The following FOXC1 variants were observed in gnomAD, a reference collection of about 807,000 sequenced individuals.
The protein encoded by FOXC1 is forkhead box protein C1.
A neutral mutation model predicts 8.1 loss-of-function variants in FOXC1; 5 were observed. The ratio of observed to expected loss-of-function variants is 0.62; its 90% CI spans 0.32 to 1.30. The LOEUF is 1.30. Among genes scored for constraint, FOXC1 ranks in the 50% most tolerant of loss-of-function variants. FOXC1 has a pLI of 0.05. For synonymous variants in FOXC1, 552 were observed against 417.2 expected (o/e 1.32, Z -3.94); for missense variants, 942 against 858.0 (o/e 1.10, Z -1.22).
At position 1,610,176 on chromosome 6, in the gene FOXC1, G is replaced by A. The variant is rs1470263558; in HGVS notation, c.-270G>A. 3.3e-5 allele frequency: 5 copies of A among 151,976 alleles called. No individual in the cohort carries two copies. The highest frequency in any genetic ancestry group is 9.6e-5 in the African/African-American group (4 of 41,502). The allele number at this position is 151,976 out of a possible 1,614,324, so 9.4% of individuals were successfully genotyped here. ...CCTGGAAGCTGCGCCGCGAGTTCCT[G>A]CAAGGCGGTCTGCCGCGGCCGGGCC... is the stretch of plus-strand genomic sequence containing the variant. On this transcript the variant is annotated 5_prime_UTR_variant, in exon 1 of 1. Transcript: ENST00000645831.
Position 1,613,668 on chromosome 6 carries a change from C to G in FOXC1, c.*1561C>G, listed in dbSNP as rs903441744. ...CCAGGAAATGTAATAAATTCATTATCTTAGGGTGATCTGCCCTGCCAATCA... is the reference window on the plus strand; with the variant it reads ...CCAGGAAATGTAATAAATTCATTATGTTAGGGTGATCTGCCCTGCCAATCA... On this transcript the variant is annotated 3_prime_UTR_variant, in exon 1 of 1. Transcript: ENST00000645831. 1.1e-5 allele frequency: 2 copies of G among 180,310 alleles called. No homozygotes were observed. Among genetic ancestry groups the G allele is most frequent in the African/African-American group, 5.3e-5 (2 of 37,468 alleles). 11.2% of individuals were successfully genotyped at this position (180,310 alleles called of 1,614,324 possible). A position where few individuals can be genotyped will look rare whatever the true frequency, so the allele number is the denominator to read the frequency against.
rs1391501908 is a variant in FOXC1 at position 1,612,905 on chromosome 6, T to A, written c.*798T>A. ...CAGAGATAAAACACTAGAAGTTACC[T>A]ATTCTCCACCTAAATCTCTGAAAAA... On this transcript the variant is annotated 3_prime_UTR_variant, in exon 1 of 1. Coordinates refer to ENST00000645831, the MANE Select transcript of FOXC1 (RefSeq NM_001453.3). 1.4e-5 allele frequency: 3 copies of A among 219,018 alleles called. No individual in the cohort carries two copies. The allele number at this position is 219,018 out of a possible 1,614,324, so 13.6% of individuals were successfully genotyped here.
chr6:1,610,451 G>T lies in FOXC1; in HGVS notation c.6G>T (p.Gln2His). 7.3e-7 allele frequency: 1 copy of T among 1,364,186 alleles called. No individual in the cohort carries two copies. 84.5% of individuals were successfully genotyped at this position (1,364,186 alleles called of 1,614,324 possible). A position where few individuals can be genotyped will look rare whatever the true frequency, so the allele number is the denominator to read the frequency against. Residue 2 changes from glutamine to histidine, a missense_variant, in exon 1 of 1, where the codon CAG becomes CAT. Around this residue, in one of 4 missense-constraint regions of FOXC1, gnomAD observed 190 missense variants for 176.8 expected, o/e 1.07. Coordinates refer to ENST00000645831, the MANE Select transcript of FOXC1 (RefSeq NM_001453.3). ...GGCGGCGGCGAGCGGGGGCCATGCAGGCGCGCTACTCCGTGTCCAGCCCCA... is the reference window on the plus strand; with the variant it reads ...GGCGGCGGCGAGCGGGGGCCATGCATGCGCGCTACTCCGTGTCCAGCCCCA... Reference protein sequence around the residue: MQARYSVSSPNS... With the variant: MHARYSVSSPNS...
Position 1,611,090 on chromosome 6 carries a change from T to C in FOXC1, c.645T>C (p.Gly215=). 7.4e-7 allele frequency: 1 copy of C among 1,357,154 alleles called. No homozygotes were observed. Among genetic ancestry groups the C allele is most frequent in the Non-Finnish European group, 9.5e-7 (1 of 1,048,702 alleles). The allele number at this position is 1,357,154 out of a possible 1,614,324, so 84.1% of individuals were successfully genotyped here. Residue 215 remains glycine (G), a synonymous_variant, in exon 1 of 1, where the codon GGT becomes GGC. Transcript: ENST00000645831. This position sits in a 1 kb window ranked among gnomAD's most constrained non-coding sequence, Gnocchi z 7.1. ...AGCAGGCCGACGGCAACGCGCCCGG[T>C]CCGCAGCCGCCGCCCGTGCGCATCC... ...PPEQADGNAP[G]PQPPPVRIQD... is the part of the protein sequence containing the mutation.
chr6:1,613,545 T>G lies in FOXC1; in HGVS notation c.*1438T>G, dbSNP rs1762592124. 4.4e-6 allele frequency: 1 copy of G among 228,256 alleles called. No homozygotes were observed. The highest frequency in any genetic ancestry group is 9.4e-6 in the Non-Finnish European group (1 of 105,882). The allele number at this position is 228,256 out of a possible 1,614,324, so 14.1% of individuals were successfully genotyped here. ...GGAAGGCGAGAGGAGCAGAACATTT[T>G]GGTCTAGGGTGGTTTCTTTTTAAAC... On this transcript the variant is annotated 3_prime_UTR_variant, in exon 1 of 1. Transcript: ENST00000645831.
In FOXC1 at chr6:1,613,825, G is replaced by A; in HGVS notation, c.*1718G>A. The stretch of plus-strand genomic sequence containing the variant: ...AGGCAACACTTAAGCAGTAATTGCT[G>A]TTGCTTGTTGTCAAAATTTGATCAT... On this transcript the variant is annotated 3_prime_UTR_variant, in exon 1 of 1. Transcript: ENST00000645831. 1 of 214,276 alleles carries A rather than the reference G, an allele frequency of 4.7e-6. No individual in the cohort carries two copies. The highest frequency in any genetic ancestry group is 1.0e-5 in the Non-Finnish European group (1 of 96,678). The allele number at this position is 214,276 out of a possible 1,614,324, so 13.3% of individuals were successfully genotyped here. A position where few individuals can be genotyped will look rare whatever the true frequency, so the allele number is the denominator to read the frequency against.
Position 1,612,803 on chromosome 6 carries a change from AAATT to A in FOXC1, c.*698_*701del, listed in dbSNP as rs1331426200. On this transcript the variant is annotated 3_prime_UTR_variant, in exon 1 of 1. Transcript: ENST00000645831. Reference sequence around the variant, plus strand: ...ACATATTCATTGTTTGTTTATTAATAAATTACCATTCAGTTTGAATGAGACCTAT... The same window carrying A: ...ACATATTCATTGTTTGTTTATTAATAACCATTCAGTTTGAATGAGACCTAT... The A allele has an allele frequency of 4.8e-6, 1 of 208,050 alleles. No homozygotes were observed. Among genetic ancestry groups the A allele is most frequent in the African/African-American group, 2.3e-5 (1 of 43,064 alleles). 12.9% of individuals were successfully genotyped at this position (208,050 alleles called of 1,614,324 possible).
Position 1,612,074 on chromosome 6 carries a change from C to T in FOXC1, c.1629C>T (p.Ser543=), listed in dbSNP as rs747055801. The change falls in exon 1 of 1, where the codon TCC becomes TCT. Residue 543 remains serine (S), a synonymous_variant. Coordinates refer to ENST00000645831, the MANE Select transcript of FOXC1 (RefSeq NM_001453.3). ...FPSSQSLYRT[S]GAFVYDCSKF ...CCAGCCAGTCTCTGTACCGCACGTCCGGAGCTTTCGTCTACGACTGTAGCA... is the reference window on the plus strand; with the variant it reads ...CCAGCCAGTCTCTGTACCGCACGTCTGGAGCTTTCGTCTACGACTGTAGCA... 8.7e-6 allele frequency: 14 copies of T among 1,613,942 alleles called. No homozygotes were observed. Among genetic ancestry groups the T allele is most frequent in the East Asian group, 4.5e-5 (2 of 44,906 alleles).
At position 1,610,745 on chromosome 6, in the gene FOXC1, C is replaced by A; in HGVS notation, c.300C>A (p.Thr100=). The A allele has an allele frequency of 6.2e-7, 1 of 1,614,030 alleles. No homozygotes were observed. ...AIQNAPDKKI[T]LNGIYQFIMD... ...AGAACGCCCCGGACAAGAAGATCAC[C>A]CTGAACGGCATCTACCAGTTCATCA... is the stretch of plus-strand genomic sequence containing the variant. Residue 100 remains threonine (T), a synonymous_variant, in exon 1 of 1, where the codon ACC becomes ACA. Coordinates refer to ENST00000645831, the MANE Select transcript of FOXC1 (RefSeq NM_001453.3).
chr6:1,613,597 A>G lies in FOXC1; in HGVS notation c.*1490A>G, dbSNP rs1055584724. ...ATTTTTTCTTGTTAATTTACAGTTA[A>G]ACCTAGGGGACAATCCGGATTGGCC... On this transcript the variant is annotated 3_prime_UTR_variant, in exon 1 of 1. Coordinates refer to ENST00000645831, the MANE Select transcript of FOXC1 (RefSeq NM_001453.3). 4.5e-6 allele frequency: 1 copy of G among 222,702 alleles called. No homozygotes were observed. 13.8% of individuals were successfully genotyped at this position (222,702 alleles called of 1,614,324 possible). A position where few individuals can be genotyped will look rare whatever the true frequency, so the allele number is the denominator to read the frequency against.
At position 1,611,681 on chromosome 6, in the gene FOXC1, GCA is replaced by G; in HGVS notation, c.1237_1238del (p.Gln413GlyfsTer114). The G allele has an allele frequency of 1.4e-6, 2 of 1,415,664 alleles. No individual in the cohort carries two copies. Among genetic ancestry groups the G allele is most frequent in the Non-Finnish European group, 1.8e-6 (2 of 1,091,530 alleles). 87.7% of individuals were successfully genotyped at this position (1,415,664 alleles called of 1,614,324 possible). On this transcript the variant is annotated frameshift_variant, in exon 1 of 1. Coordinates refer to ENST00000645831, the MANE Select transcript of FOXC1 (RefSeq NM_001453.3). LOFTEE classifies it high-confidence loss of function. The surrounding 1 kb of genome is among the most constrained non-coding windows in gnomAD (Gnocchi z 7.1). ...CGGCCGGCGAGCGCGGGGGCCACTT[GCA>G]GGGCGCGCCCGGGGGCGCGGGCGGC... ...YAAGERGGHL[Q>X]GAPGGAGGSA...
rs1487219222 is a variant in FOXC1 at position 1,611,296 on chromosome 6, G to T, written c.851G>T (p.Ser284Ile). The change falls in exon 1 of 1, where the codon AGC becomes ATC. Residue 284 changes from serine (S) to isoleucine (I), a missense_variant. By Grantham distance (142) the Ser-to-Ile change is moderately radical. Around this residue, in one of 4 missense-constraint regions of FOXC1, gnomAD observed 726 missense variants for 599.6 expected, o/e 1.21. Coordinates refer to ENST00000645831, the MANE Select transcript of FOXC1 (RefSeq NM_001453.3). The surrounding 1 kb of genome is among the most constrained non-coding windows in gnomAD (Gnocchi z 7.1). ...AGCCTGCCGTCGGCGCGGCCGCTCA[G>T]CCTGGACGGTGCGGATTCCGCGCCG... ...PGSLPSARPL[S>I]LDGADSAPPP... 7.1e-7 allele frequency: 1 copy of T among 1,409,436 alleles called. No individual in the cohort carries two copies. Among genetic ancestry groups the T allele is most frequent in the South Asian group, 1.4e-5 (1 of 71,624 alleles). The allele number at this position is 1,409,436 out of a possible 1,614,324, so 87.3% of individuals were successfully genotyped here. A position where few individuals can be genotyped will look rare whatever the true frequency, so the allele number is the denominator to read the frequency against.
In FOXC1 at chr6:1,612,745, C is replaced by G. The variant is rs1022099852; in HGVS notation, c.*638C>G. On this transcript the variant is annotated 3_prime_UTR_variant, in exon 1 of 1. Coordinates refer to ENST00000645831, the MANE Select transcript of FOXC1 (RefSeq NM_001453.3). ...TTATAAAAAGGGAAACTGTATTAATCTTATTCTATCCTCTTTTCTTTCTTT... is the reference window on the plus strand; with the variant it reads ...TTATAAAAAGGGAAACTGTATTAATGTTATTCTATCCTCTTTTCTTTCTTT... The G allele has an allele frequency of 1.9e-5, 4 of 214,940 alleles. No individual in the cohort carries two copies. The highest frequency in any genetic ancestry group is 9.2e-5 in the African/African-American group (4 of 43,432). 13.3% of individuals were successfully genotyped at this position (214,940 alleles called of 1,614,324 possible). A position where few individuals can be genotyped will look rare whatever the true frequency, so the allele number is the denominator to read the frequency against.
chr6:1,611,941 G>C lies in FOXC1; in HGVS notation c.1496G>C (p.Gly499Ala), dbSNP rs1362278016. 1.3e-6 allele frequency: 2 copies of C among 1,585,790 alleles called. No individual in the cohort carries two copies. Among genetic ancestry groups the C allele is most frequent in the Non-Finnish European group, 1.7e-6 (2 of 1,165,896 alleles). Reference protein sequence around the residue: ...AAAAAAAGYPGQQQNFHSVRE... With the variant: ...AAAAAAAGYPAQQQNFHSVRE... ...GCGGCGGCGGCCGCAGGCTACCCGG[G>C]CCAGCAGCAGAACTTCCACTCGGTG... Residue 499 changes from glycine to alanine, a missense_variant, in exon 1 of 1, where the codon GGC (glycine) becomes GCC (alanine). Physicochemically the swap from Gly to Ala is moderately conservative, Grantham distance 60. Transcript: ENST00000645831. The surrounding 1 kb of genome is among the most constrained non-coding windows in gnomAD (Gnocchi z 7.1).
Position 1,610,303 on chromosome 6 carries a change from GCAGCGCAGCCGGACGCA to G in FOXC1, c.-133_-117del, listed in dbSNP as rs1762511422. 3.0e-6 allele frequency: 1 copy of G among 332,900 alleles called. No homozygotes were observed. Among genetic ancestry groups the G allele is most frequent in the Non-Finnish European group, 4.3e-6 (1 of 234,696 alleles). 20.6% of individuals were successfully genotyped at this position (332,900 alleles called of 1,614,324 possible). On this transcript the variant is annotated 5_prime_UTR_variant, in exon 1 of 1. Transcript: ENST00000645831. ...GCCCCAGCGAGCGCCGGGAGAGGCG[GCAGCGCAGCCGGACGCA>G]CAGCGCAGCGGGCCGGCACCAGCTC...
chr6:1,611,319 C>A lies in FOXC1; in HGVS notation c.874C>A (p.Pro292Thr). 1 of 1,411,652 alleles carries A rather than the reference C, an allele frequency of 7.1e-7. No homozygotes were observed. 87.4% of individuals were successfully genotyped at this position (1,411,652 alleles called of 1,614,324 possible). The stretch of plus-strand genomic sequence containing the variant: ...CAGCCTGGACGGTGCGGATTCCGCG[C>A]CGCCGCCGCCCGCGCCCTCCGCCCC... ...PLSLDGADSA[P>T]PPPAPSAPPP... Residue 292 changes from proline to threonine, a missense_variant, in exon 1 of 1, where the codon CCG becomes ACG. This residue lies in a region of FOXC1 where 726 missense variants were observed against 599.6 expected (regional missense o/e 1.21). Coordinates refer to ENST00000645831, the MANE Select transcript of FOXC1 (RefSeq NM_001453.3). This position sits in a 1 kb window ranked among gnomAD's most constrained non-coding sequence, Gnocchi z 7.1.
rs34470720 is a variant in FOXC1 at position 1,613,335 on chromosome 6, C to A, written c.*1228C>A. On this transcript the variant is annotated 3_prime_UTR_variant, in exon 1 of 1. Coordinates refer to ENST00000645831, the MANE Select transcript of FOXC1 (RefSeq NM_001453.3). ...AGTCCTTTATAAAAGGAAAAATAAA[C>A]CAGTTTTTAAATGTATGTATATAAT... The A allele has an allele frequency of 0.017, 3,897 of 229,476 alleles. 152 individuals are homozygous for A. Among genetic ancestry groups the A allele is most frequent in the African/African-American group, 0.081 (3,576 of 44,222 alleles). 14.2% of individuals were successfully genotyped at this position (229,476 alleles called of 1,614,324 possible). A position where few individuals can be genotyped will look rare whatever the true frequency, so the allele number is the denominator to read the frequency against.
At position 1,612,201 on chromosome 6, in the gene FOXC1, A is replaced by G; in HGVS notation, c.*94A>G. On this transcript the variant is annotated 3_prime_UTR_variant, in exon 1 of 1. Coordinates refer to ENST00000645831, the MANE Select transcript of FOXC1 (RefSeq NM_001453.3). ...ATCGAAACTAAAAAAAAAAAATCCA[A>G]TTAAAAAAAACCCCTGAGAATATTC... 1 of 1,568,774 alleles carries G rather than the reference A, an allele frequency of 6.4e-7. No homozygotes were observed. The highest frequency in any genetic ancestry group is 8.6e-7 in the Non-Finnish European group (1 of 1,156,498).
rs565331544 is a variant in FOXC1, at chr6:1,612,822, A to G, written c.*715A>G. On this transcript the variant is annotated 3_prime_UTR_variant, in exon 1 of 1. Transcript: ENST00000645831. ...ATTAATAAATTACCATTCAGTTTGAATGAGACCTATATGTCTGGATACTTT... is the reference window on the plus strand; with the variant it reads ...ATTAATAAATTACCATTCAGTTTGAGTGAGACCTATATGTCTGGATACTTT... 3 of 210,506 alleles carry G rather than the reference A, an allele frequency of 1.4e-5. No homozygotes were observed. The highest frequency in any genetic ancestry group is 6.9e-5 in the African/African-American group (3 of 43,360). The allele number at this position is 210,506 out of a possible 1,614,324, so 13.0% of individuals were successfully genotyped here.
Sources: allele counts gnomAD v4.1 joint callset, GRCh38; gene constraint gnomAD v4.1.1; regional missense constraint gnomAD v4.1.1; non-coding constraint Gnocchi (gnomAD v3.1); transcripts MANE v1.5; gene names NCBI Gene and HGNC (gene_info 2026-07-23, HGNC 2026-07-21).